Variants in FBXO28 observed in about 807,000 individuals in gnomAD.
The protein encoded by FBXO28 is F-box only protein 28.
Under a neutral mutation model 38.1 loss-of-function variants are expected in FBXO28, and 8 were observed. The ratio of observed to expected loss-of-function variants is 0.21; its 90% CI spans 0.12 to 0.38. The LOEUF (loss-of-function observed/expected upper bound fraction) is 0.38, where lower values mean the gene tolerates loss of function less well. Ranked by LOEUF, FBXO28 falls within the 10% of genes least tolerant of loss-of-function variation. The probability of loss-of-function intolerance (pLI) is 1.00; values close to 1 mark genes in which losing one functional copy is unlikely to be tolerated. For missense variants in FBXO28, 345 were observed against 460.6 expected (o/e 0.75, Z 2.30); for synonymous variants, 168 against 173.8 (o/e 0.97, Z 0.26).
At chr1:224,136,354 A>T (rs1032167601) in intron 3 of FBXO28, among the ~76,000 whole-genome samples, 1 of 151,928 alleles carries the variant, frequency 6.6e-6, no homozygotes, top group African/African-American at 2.4e-5. Flanking sequence ...TCAGTCTAAC[A>T]TATAATCTTC....
chr1:224,133,037 G>A (rs897492017), intron 2 of FBXO28, among the ~76,000 whole-genome samples: 8 of 152,196 alleles, frequency 5.3e-5, no homozygotes, highest in African/African-American at 1.4e-4. Flanking sequence ...ATATCTGCAT[G>A]ATGGAATATT....
chr1:224,145,676 A>G (rs529568970), intron 3 of FBXO28, among the ~76,000 whole-genome samples: 14 of 152,262 alleles, frequency 9.2e-5, no homozygotes, highest in African/African-American at 2.9e-4. Context: ...TAATCCCAGC[A>G]CTTTGGAAGG....
chr1:224,154,232 C>T (rs774577429), intron 4 of FBXO28, among the ~76,000 whole-genome samples: 24 of 152,308 alleles, frequency 1.6e-4, no homozygotes, highest in Non-Finnish European at 3.1e-4. Context: ...TCTAGCAAAG[C>T]CTATTTTATA....
At chr1:224,137,938 A>C (rs1051448840) in intron 3 of FBXO28, among the ~76,000 whole-genome samples, 2 of 151,896 alleles carry the variant, frequency 1.3e-5, no homozygotes, top group African/African-American at 4.9e-5. Flanking sequence ...TTGATAGGGC[A>C]TTAAAAGCTG....
rs570849923 is a variant in FBXO28 at position 224,149,197 on chromosome 1, C to T, written c.517-3945C>T. Among the ~76,000 whole-genome samples, 7 of 151,948 alleles carry T rather than the reference C, an allele frequency of 4.6e-5. No individual in the cohort carries two copies. The South Asian group carries it at 1.2e-3, about 27-fold the overall frequency. The stretch of plus-strand genomic sequence containing the variant: ...TAAGTATTCTATATTTTTACAAGTC[C>T]GTCTCAATAGAGATCTTGTTTACAA... On this transcript the variant is annotated intron_variant, in intron 3 of 4. Coordinates refer to ENST00000366862, the MANE Select transcript of FBXO28 (RefSeq NM_015176.4).
chr1:224,152,317 G>T (rs114371346), intron 3 of FBXO28, among the ~76,000 whole-genome samples: 60 of 152,270 alleles, frequency 3.9e-4, no homozygotes, highest in African/African-American at 1.4e-3. Context: ...TAGAGCACAT[G>T]GGGGCAGTAT....
chr1:224,132,139 A>G (rs552293665), intron 2 of FBXO28, among the ~76,000 whole-genome samples: 2 of 152,126 alleles, frequency 1.3e-5, no homozygotes, highest in South Asian at 2.1e-4. Context: ...TGTAATCCCA[A>G]CTACTCAGGA....
In FBXO28 at chr1:224,114,165, A is replaced by G; in HGVS notation, c.36A>G (p.Glu12=). Residue 12 remains glutamate (E), a synonymous_variant, in exon 1 of 5, where the codon GAA becomes GAG. Coordinates refer to ENST00000366862, the MANE Select transcript of FBXO28 (RefSeq NM_015176.4). ...AAAAEERMAE[E]GGGGQGDGGS... ...CGGCGGAGGAGCGGATGGCAGAGGA[A>G]GGAGGCGGCGGCCAAGGCGACGGCG... is the stretch of plus-strand genomic sequence containing the variant. The G allele has an allele frequency of 6.5e-7, 1 of 1,546,696 alleles. No homozygotes were observed. Among genetic ancestry groups the G allele is most frequent in the Non-Finnish European group, 8.7e-7 (1 of 1,145,546 alleles).
intron 1 of FBXO28, among the ~76,000 whole-genome samples, chr1:224,127,361 A>G (rs981822148): frequency 2.6e-5 from 4 of 152,106 alleles, no homozygotes; most frequent in Non-Finnish European, 5.9e-5. Flanking sequence ...AGGTAAGAAT[A>G]CCTCAGTCGA....
At chr1:224,155,382 G>T (rs915622681) in intron 4 of FBXO28, among the ~76,000 whole-genome samples, 1 of 152,094 alleles carries the variant, frequency 6.6e-6, no homozygotes, top group East Asian at 1.9e-4. Context: ...GTTCAGGCTG[G>T]TCTTGAACTC....
chr1:224,156,125 G>A lies in FBXO28; in HGVS notation c.713-1227G>A, dbSNP rs142524050. 2.5e-3 allele frequency among the ~76,000 whole-genome samples: 387 copies of A among 152,286 alleles called. 2 individuals are homozygous for A. The highest frequency in any genetic ancestry group is 4.0e-3 in the Non-Finnish European group (275 of 68,016). Reference sequence around the variant, plus strand: ...AAATACAGTTATTTAGATGTGCAAGGAGAAGATTAACATTATGGTTTAGGA... The same window carrying A: ...AAATACAGTTATTTAGATGTGCAAGAAGAAGATTAACATTATGGTTTAGGA... On this transcript the variant is annotated intron_variant, in intron 4 of 4. Transcript: ENST00000366862.
At chr1:224,152,486 G>A (rs749557565) in intron 3 of FBXO28, among the ~76,000 whole-genome samples, 30 of 152,110 alleles carry the variant, frequency 2.0e-4, no homozygotes, top group Non-Finnish European at 4.3e-4. Flanking sequence ...ATAGCAATTT[G>A]TATACCTGTT....
At position 224,160,065 on chromosome 1, in the gene FBXO28, C is replaced by T. The variant is rs774280582; in HGVS notation, c.*2319C>T. 24 of 152,134 alleles carry T rather than the reference C, an allele frequency of 1.6e-4. No individual in the cohort carries two copies. Among genetic ancestry groups the T allele is most frequent in the Non-Finnish European group, 1.6e-4 (11 of 68,024 alleles). 9.4% of individuals were successfully genotyped at this position (152,134 alleles called of 1,614,324 possible). A position where few individuals can be genotyped will look rare whatever the true frequency, so the allele number is the denominator to read the frequency against. ...AGTAGGAGAATAAAGCACTACAGTTCGGTTGTTCAAATCTTAAATCTTAGG... is the reference window on the plus strand; with the variant it reads ...AGTAGGAGAATAAAGCACTACAGTTTGGTTGTTCAAATCTTAAATCTTAGG... On this transcript the variant is annotated 3_prime_UTR_variant, in exon 5 of 5. Coordinates refer to ENST00000366862, the MANE Select transcript of FBXO28 (RefSeq NM_015176.4).
chr1:224,150,197 G>GCACACA (rs1657609024), intron 3 of FBXO28, among the ~76,000 whole-genome samples: 3 of 152,174 alleles, frequency 2.0e-5, no homozygotes, highest in South Asian at 4.1e-4. Context: ...GGTGGTGGGT[G>GCACACA]CCTGTAATCC....
At chr1:224,119,750 TA>T (rs1183784637) in intron 1 of FBXO28, among the ~76,000 whole-genome samples, 1 of 152,092 alleles carries the variant, frequency 6.6e-6, no homozygotes, top group Non-Finnish European at 1.5e-5. Flanking sequence ...ATCCAGTTAA[TA>T]AAGGTAGAAG....
Position 224,130,561 on chromosome 1 carries a change from A to T in FBXO28, c.357A>T (p.Gln119His). 1 of 1,612,884 alleles carries T rather than the reference A, an allele frequency of 6.2e-7. No homozygotes were observed. Among genetic ancestry groups the T allele is most frequent in the African/African-American group, 1.3e-5 (1 of 75,052 alleles). The change falls in exon 2 of 5, where the codon CAA becomes CAT. Residue 119 changes from glutamine to histidine, a missense_variant. Around this residue, in one of 6 missense-constraint regions of FBXO28, gnomAD observed 56 missense variants for 99.8 expected, o/e 0.56. Transcript: ENST00000366862. The stretch of plus-strand genomic sequence containing the variant: ...GGTACCATAATCTATGTCAGAAACA[A>T]GTTAAAGCACAACTCCCAAGGTATG... ...VERYHNLCQK[Q>H]VKAQLPRRES...
chr1:224,153,301 T>G lies in FBXO28; in HGVS notation c.676T>G (p.Ser226Ala). The G allele has an allele frequency of 6.2e-7, 1 of 1,607,740 alleles. No individual in the cohort carries two copies. ...AATTTTAAAGAGGAAATTACCAGGA[T>G]CAGATGTTTCTGGAAGACTCATGGG... ...VPILKRKLPG[S>A]DVSGRLMGSP... is the part of the protein sequence containing the mutation. Residue 226 changes from serine (S) to alanine (A), a missense_variant, in exon 4 of 5, where the codon TCA becomes GCA. Ser to Ala is a moderately conservative substitution (Grantham distance 99, BLOSUM62 1). Transcript: ENST00000366862.
At chr1:224,123,389 G>C (rs1027540339) in intron 1 of FBXO28, among the ~76,000 whole-genome samples, 2 of 134,494 alleles carry the variant, frequency 1.5e-5, no homozygotes, top group Non-Finnish European at 3.0e-5. Flanking sequence ...GCCTCAGTAA[G>C]CCGTGATCGT....
In FBXO28 at chr1:224,157,713, T is replaced by C. The variant is rs759988652; in HGVS notation, c.1074T>C (p.Leu358=). ...AGGCCACGGAAGCCATAGACTCTCT[T>C]AGGAAATCTAAACGTCTTCGGAATA... ...RKKATEAIDS[L]RKSKRLRNRK is the part of the protein sequence containing the mutation. Residue 358 remains leucine, a synonymous_variant, in exon 5 of 5, where the codon CTT becomes CTC. Transcript: ENST00000366862. 1.9e-6 allele frequency: 3 copies of C among 1,608,682 alleles called. No individual in the cohort carries two copies. The highest frequency in any genetic ancestry group is 2.5e-6 in the Non-Finnish European group (3 of 1,178,496).
Sources: allele counts gnomAD v4.1 joint callset (sites outside exome capture counted in the v4.1 genomes callset), GRCh38; gene constraint gnomAD v4.1.1; regional missense constraint gnomAD v4.1.1; transcripts MANE v1.5; gene names NCBI Gene and HGNC (gene_info 2026-07-23, HGNC 2026-07-21).